The following COL26A1 variants were observed in gnomAD, a reference collection of about 807,000 sequenced individuals.
COL26A1 encodes the protein collagen alpha-1(XXVI) chain.
In COL26A1, 41 loss-of-function variants were observed where a neutral mutation model predicts 59.3. The observed-to-expected ratio is 0.69, with a 90% confidence interval of 0.54 to 0.90. The LOEUF (loss-of-function observed/expected upper bound fraction) is 0.90, where lower values mean the gene tolerates loss of function less well. COL26A1 is among the 40% of genes least tolerant of loss of function. COL26A1 has a pLI of 0.00. For missense variants in COL26A1, 612 were observed against 602.3 expected, an observed-to-expected ratio of 1.02 and a Z score of -0.17; for synonymous variants, 266 against 256.0, an observed-to-expected ratio of 1.04 and a Z score of -0.37.
intron 1 of COL26A1, among the ~76,000 whole-genome samples, chr7:101,415,824 G>C (rs986522919): frequency 4.6e-5 from 7 of 151,778 alleles, no homozygotes; most frequent in Admixed American, 3.3e-4. Flanking sequence ...ATAGAGATGG[G>C]GTCTTGCCGT....
intron 1 of COL26A1, among the ~76,000 whole-genome samples, chr7:101,407,905 C>T (rs1792165503): frequency 6.6e-6 from 1 of 152,080 alleles, no homozygotes; most frequent in African/African-American, 2.4e-5. Flanking sequence ...AATAACCTGC[C>T]TGTTAATTTG....
chr7:101,394,287 G>A lies in COL26A1; in HGVS notation c.159-25690G>A, dbSNP rs574979185. The stretch of plus-strand genomic sequence containing the variant: ...AAAGGCAAGAAATAGATTCTCCCAC[G>A]GAGACTCTGGAGGAAACTCACCTGC... On this transcript the variant is annotated intron_variant, in intron 1 of 12. Coordinates refer to ENST00000313669, the MANE Select transcript of COL26A1 (RefSeq NM_001278563.3). Among the ~76,000 whole-genome samples the A allele has an allele frequency of 6.6e-5, 10 of 152,262 alleles. No individual in the cohort carries two copies. The South Asian group carries it at 1.7e-3, about 25-fold the overall frequency.
rs146465854 is a variant in COL26A1, at chr7:101,426,480, G to A, written c.281+6381G>A. Among the ~76,000 whole-genome samples, 646 of 152,242 alleles carry A rather than the reference G, an allele frequency of 4.2e-3. 3 individuals are homozygous for A. The highest frequency in any genetic ancestry group is 0.015 in the African/African-American group (623 of 41,550). ...ATGACCTTCCTCAAGGTCGCAGAAG[G>A]GCAGCAGCAGCTCCAGGCATCACGT... On this transcript the variant is annotated intron_variant, in intron 2 of 12. Coordinates refer to ENST00000313669, the MANE Select transcript of COL26A1 (RefSeq NM_001278563.3).
intron 3 of COL26A1, among the ~76,000 whole-genome samples, chr7:101,450,935 A>G (rs1482368725): frequency 1.0e-5 from 1 of 100,342 alleles, no homozygotes; most frequent in Non-Finnish European, 1.6e-5. Context: ...ATATATTATC[A>G]ATAATTATAG....
chr7:101,474,984 G>C (rs1479929706), intron 3 of COL26A1, among the ~76,000 whole-genome samples: 1 of 152,214 alleles, frequency 6.6e-6, no homozygotes, highest in Non-Finnish European at 1.5e-5. Context: ...CTTGAGGTTA[G>C]GAGTTCGAGA....
chr7:101,475,705 G>A (rs1282201982), intron 3 of COL26A1, among the ~76,000 whole-genome samples: 6 of 151,902 alleles, frequency 3.9e-5, no homozygotes, highest in Non-Finnish European at 8.8e-5. Flanking sequence ...TGTGCGTGGC[G>A]ATGATGCATG....
rs58672929 is a variant in COL26A1, at chr7:101,501,185, C to CA, written c.386-31881dup. 4.8e-3 allele frequency among the ~76,000 whole-genome samples: 354 copies of CA among 73,992 alleles called. 3 individuals carry two copies. The highest frequency in any genetic ancestry group is 9.1e-3 in the East Asian group (13 of 1,428). The allele number at this position is 73,992 out of a possible 152,430, so 48.5% of individuals were successfully genotyped here. ...TGGGCTACAGGGCGAGACTCCGTCT[C>CA]AAAAAAAAAAAAAAAAGAAAAGAAA... is the stretch of plus-strand genomic sequence containing the variant. On this transcript the variant is annotated intron_variant, in intron 3 of 12. Transcript: ENST00000313669.
chr7:101,467,867 A>G (rs1793801776), intron 3 of COL26A1, among the ~76,000 whole-genome samples: 1 of 152,086 alleles, frequency 6.6e-6, no homozygotes. Context: ...ACTCCGTCTC[A>G]AAAGAAAAGA....
chr7:101,394,190 G>A (rs1791799661), intron 1 of COL26A1, among the ~76,000 whole-genome samples: 1 of 152,084 alleles, frequency 6.6e-6, no homozygotes, highest in South Asian at 2.1e-4. Flanking sequence ...ATGTTACCAT[G>A]GAAACCAGAG....
chr7:101,387,834 A>G (rs1791630359), intron 1 of COL26A1, among the ~76,000 whole-genome samples: 1 of 144,500 alleles, frequency 6.9e-6, no homozygotes, highest in Admixed American at 7.1e-5. Context: ...CAGTGGTGCA[A>G]TCTCGACTCA....
intron 3 of COL26A1, among the ~76,000 whole-genome samples, chr7:101,467,823 C>T (rs1269223624): frequency 6.6e-6 from 1 of 151,952 alleles, no homozygotes; most frequent in Non-Finnish European, 1.5e-5. Flanking sequence ...GCCGAGATCG[C>T]GCCACTGCAC....
rs57638079 is a variant in COL26A1 at position 101,554,567 on chromosome 7, TA to T, written c.1081-1197del. On this transcript the variant is annotated intron_variant, in intron 11 of 12. Coordinates refer to ENST00000313669, the MANE Select transcript of COL26A1 (RefSeq NM_001278563.3). ...GGAAACCTAGCGAGACCCCATTTCT[TA>T]AAAAAAAAAAAAAAAAAAAAAAGTA... 7.8e-3 allele frequency among the ~76,000 whole-genome samples: 939 copies of T among 120,460 alleles called. 15 individuals carry two copies. Among genetic ancestry groups the T allele is most frequent in the South Asian group, 0.022 (79 of 3,600 alleles). 79.0% of individuals were successfully genotyped at this position (120,460 alleles called of 152,430 possible).
At chr7:101,431,713 T>C (rs1792784038) in intron 2 of COL26A1, among the ~76,000 whole-genome samples, 1 of 152,164 alleles carries the variant, frequency 6.6e-6, no homozygotes. Flanking sequence ...CGTTAGGCTG[T>C]TAATATGATG....
At chr7:101,548,859 A>G (rs1360700927) in intron 8 of COL26A1, among the ~76,000 whole-genome samples, 3 of 152,060 alleles carry the variant, frequency 2.0e-5, no homozygotes, top group African/African-American at 7.2e-5. Context: ...CCAGGGGACC[A>G]ACTGGCTGGG....
chr7:101,455,970 G>A (rs1793461424), intron 3 of COL26A1, among the ~76,000 whole-genome samples: 1 of 152,088 alleles, frequency 6.6e-6, no homozygotes, highest in African/African-American at 2.4e-5. Context: ...ACAGGCGCGA[G>A]CCACTGCACC....
intron 3 of COL26A1, among the ~76,000 whole-genome samples, chr7:101,462,982 G>A (rs1793650803): frequency 1.3e-5 from 2 of 152,118 alleles, no homozygotes; most frequent in African/African-American, 4.8e-5. Flanking sequence ...CAAGAAGAGG[G>A]GTCCCAGAAG....
intron 3 of COL26A1, among the ~76,000 whole-genome samples, chr7:101,464,051 G>A (rs1034785218): frequency 6.6e-6 from 1 of 150,714 alleles, no homozygotes; most frequent in African/African-American, 2.4e-5. Context: ...CTGCAGCCTC[G>A]ACGTCCTGGG....
intron 3 of COL26A1, among the ~76,000 whole-genome samples, chr7:101,478,302 C>G (rs1461237711): frequency 6.6e-6 from 1 of 152,202 alleles, no homozygotes; most frequent in Non-Finnish European, 1.5e-5. Flanking sequence ...TTTAAGAAAA[C>G]ACAAACCTTT....
intron 2 of COL26A1, among the ~76,000 whole-genome samples, chr7:101,441,684 T>A (rs1205953188): frequency 6.6e-6 from 1 of 152,028 alleles, no homozygotes; most frequent in Admixed American, 6.6e-5. Context: ...GAAGTGAGAG[T>A]GTCTGGTGCA....
Sources: gnomAD v4.1 joint callset for allele counts (sites outside exome capture counted in the v4.1 genomes callset) on GRCh38, gnomAD v4.1.1 for gene constraint, MANE v1.5 for transcripts, NCBI Gene and HGNC (gene_info 2026-07-23, HGNC 2026-07-21) for gene names.